Variants in ABCA8 observed in about 807,000 individuals in gnomAD.
The protein encoded by ABCA8 is ABC-type organic anion transporter ABCA8.
ABCA8 carries 177 observed loss-of-function variants against 192.3 expected under a neutral mutation model. That is an observed-to-expected ratio of 0.92 (90% CI 0.81 to 1.04). ABCA8 has a LOEUF of 1.04. Among genes scored for constraint, ABCA8 ranks in the 50% least tolerant of loss-of-function variants. The pLI is 0.00. For synonymous variants in ABCA8, 642 were observed against 690.2 expected, an observed-to-expected ratio of 0.93 and a Z score of 1.09; for missense variants, 1,915 against 1,904.8, an observed-to-expected ratio of 1.01 and a Z score of -0.10.
At chr17:68,921,742 A>G (rs898299060) in intron 12 of ABCA8, among the ~76,000 whole-genome samples, 5 of 152,220 alleles carry the variant, frequency 3.3e-5, no homozygotes, top group African/African-American at 1.2e-4. Flanking sequence ...AATGAAACAT[A>G]TCTATATAAT....
chr17:68,927,416 T>G (rs537398817), intron 10 of ABCA8, among the ~76,000 whole-genome samples: 26 of 151,506 alleles, frequency 1.7e-4, no homozygotes, highest in African/African-American at 6.0e-4. Context: ...ATTTATGATA[T>G]ATTGGCTTTC....
At position 68,884,845 on chromosome 17, in the gene ABCA8, G is replaced by A. The variant is rs572787320; in HGVS notation, c.3549+351C>T. ...CAGAAAAAAGGACTTTGCTTATCTT[G>A]GGTGCTTCTTTAGAACTCTGAAATC... On this transcript the variant is annotated intron_variant, in intron 27 of 39. Transcript: ENST00000586539. The A allele has an allele frequency of 4.7e-5, 46 of 985,240 alleles. No homozygotes were observed. The African/African-American group carries it at 7.9e-4, about 17-fold the overall frequency. The allele number at this position is 985,240 out of a possible 1,614,324, so 61.0% of individuals were successfully genotyped here.
Position 68,906,106 on chromosome 17 carries a change from G to C in ABCA8, c.2336C>G (p.Ser779Cys). The stretch of plus-strand genomic sequence containing the variant: ...GAATACTTCATTCAAAGTTGTCATG[G>C]AAACACCATAATTCTCAATTCCTAG... ...PDLGIENYGVSMTTLNEVFLK... is the reference protein window; with the variant it reads ...PDLGIENYGVCMTTLNEVFLK... The change falls in exon 19 of 40, where the codon TCC becomes TGC. Residue 779 changes from serine (S) to cysteine (C), a missense_variant. By Grantham distance (112) the Ser-to-Cys change is moderately radical. Coordinates refer to ENST00000586539, the MANE Select transcript of ABCA8 (RefSeq NM_001288985.2). The C allele has an allele frequency of 6.3e-7, 1 of 1,599,798 alleles. No homozygotes were observed. Among genetic ancestry groups the C allele is most frequent in the South Asian group, 1.1e-5 (1 of 88,728 alleles).
At chr17:68,896,662 G>A (rs2066768102) in intron 21 of ABCA8, among the ~76,000 whole-genome samples, 2 of 152,110 alleles carry the variant, frequency 1.3e-5, no homozygotes, top group Non-Finnish European at 2.9e-5. Context: ...CTTGTGTTCA[G>A]TTAACCCTGA....
intron 10 of ABCA8, among the ~76,000 whole-genome samples, chr17:68,926,511 A>G (rs1322153699): frequency 1.3e-5 from 2 of 152,216 alleles, no homozygotes; most frequent in African/African-American, 4.8e-5. Context: ...AATATATTTA[A>G]GTATGTGTCT....
chr17:68,939,443 T>C (rs547395139), intron 4 of ABCA8, among the ~76,000 whole-genome samples: 2 of 152,118 alleles, frequency 1.3e-5, no homozygotes, highest in South Asian at 4.2e-4. Context: ...AAGAGATTAG[T>C]TCTCGGTGAA....
chr17:68,887,495 C>T lies in ABCA8; in HGVS notation c.3156G>A (p.Arg1052=). 1 of 1,609,906 alleles carries T rather than the reference C, an allele frequency of 6.2e-7. No individual in the cohort carries two copies. Among genetic ancestry groups the T allele is most frequent in the East Asian group, 2.2e-5 (1 of 44,838 alleles). ...SSIDDYKNRA[R]SQLRISGLSP... ...AGAGTCCGGAAATCCGTAGCTGGGA[C>T]CGAGCTCTGTTCTAATTAGGAGACA... Residue 1052 remains arginine (R), a synonymous_variant, in exon 25 of 40, where the codon CGG becomes CGA. Transcript: ENST00000586539.
At chr17:68,909,957 G>C (rs74883334) in intron 17 of ABCA8, among the ~76,000 whole-genome samples, 4 of 152,026 alleles carry the variant, frequency 2.6e-5, no homozygotes, top group Non-Finnish European at 5.9e-5. Context: ...AAATATTCAG[G>C]TTCAATTTCT....
rs1567830395 is a variant in ABCA8 at position 68,887,899 on chromosome 17, TATATATATCCA to T, written c.3145-404_3145-394del. On this transcript the variant is annotated intron_variant, in intron 24 of 39. Transcript: ENST00000586539. The stretch of plus-strand genomic sequence containing the variant: ...TCTCCTCCATATATATATATATATA[TATATATATCCA>T]TATATATATATATATTATATATGGA... Among the ~76,000 whole-genome samples the T allele has an allele frequency of 5.2e-5, 3 of 57,188 alleles. 1 individual carries two copies. Among genetic ancestry groups the T allele is most frequent in the African/African-American group, 4.3e-4 (3 of 6,970 alleles). The allele number at this position is 57,188 out of a possible 152,430, so 37.5% of individuals were successfully genotyped here.
intron 9 of ABCA8, 36 bp from the exon 10 acceptor site, chr17:68,928,099 G>A: frequency 6.7e-7 from 1 of 1,495,288 alleles, no homozygotes; most frequent in Non-Finnish European, 9.1e-7. Flanking sequence ...AGGGAAATTA[G>A]GTATAAGATA....
At chr17:68,944,710 C>T (rs2143788073) in intron 2 of ABCA8, 1 of 152,114 alleles carries the variant, frequency 6.6e-6, no homozygotes, top group African/African-American at 2.4e-5. Flanking sequence ...TGATAAAAGC[C>T]TTGCACCTGG....
At chr17:68,871,167 C>T (rs1157069026) in intron 37 of ABCA8, among the ~76,000 whole-genome samples, 1 of 152,062 alleles carries the variant, frequency 6.6e-6, no homozygotes, top group Non-Finnish European at 1.5e-5. Flanking sequence ...GGTTTTCTTG[C>T]TGTGTCATAA....
chr17:68,881,146 C>T lies in ABCA8; in HGVS notation c.4012G>A (p.Gly1338Arg), dbSNP rs375299285. 3 of 1,613,460 alleles carry T rather than the reference C, an allele frequency of 1.9e-6. No individual in the cohort carries two copies. Among genetic ancestry groups the T allele is most frequent in the Non-Finnish European group, 1.7e-6 (2 of 1,179,590 alleles). ...GKSTSIKVITGDTKPTAGQVL... is the reference protein window; with the variant it reads ...GKSTSIKVITRDTKPTAGQVL... ...TGTCCAGCAGTTGGTTTTGTGTCTC[C>T]AGTTATCACCTTAATGGATGTGCTT... The change falls in exon 32 of 40, where the codon GGA (glycine) becomes AGA (arginine). Residue 1338 changes from glycine to arginine, a missense_variant. Transcript: ENST00000586539.
At chr17:68,918,626 G>A (rs2067449691) in intron 14 of ABCA8, 80 bp from the exon 15 acceptor site, 14 of 1,359,788 alleles carry the variant, frequency 1.0e-5, no homozygotes, top group South Asian at 1.6e-5. Flanking sequence ...GCTGTAAAGT[G>A]TAAATGGTTA....
chr17:68,881,779 G>A, intron 31 of ABCA8, 84 bp downstream of exon 31: 2 of 889,910 alleles, frequency 2.2e-6, no homozygotes, highest in Middle Eastern at 2.3e-4. Flanking sequence ...GAACCAAGAG[G>A]TGGTTTCCAG....
chr17:68,918,892 T>G (rs1567860095), intron 14 of ABCA8, among the ~76,000 whole-genome samples: 1 of 138,148 alleles, frequency 7.2e-6, no homozygotes, highest in Non-Finnish European at 1.5e-5. Flanking sequence ...ATAGGGCCAT[T>G]GCACTCCGGC....
intron 19 of ABCA8, among the ~76,000 whole-genome samples, chr17:68,905,211 T>C (rs116196363): frequency 6.6e-6 from 1 of 152,094 alleles, no homozygotes; most frequent in East Asian, 1.9e-4. Flanking sequence ...CCTGTTTTGT[T>C]AAAGTAACAT....
intron 12 of ABCA8, among the ~76,000 whole-genome samples, chr17:68,922,000 A>C (rs1181484512): frequency 6.6e-6 from 1 of 152,036 alleles, no homozygotes; most frequent in South Asian, 2.1e-4. Context: ...TTCTAAATAC[A>C]TCTATTTCTA....
At chr17:68,933,026 T>A in intron 6 of ABCA8, 142 bp downstream of exon 6, 1 of 641,024 alleles carries the variant, frequency 1.6e-6, no homozygotes, top group South Asian at 2.0e-5. Context: ...TTCCGTGGTA[T>A]ATAGTAACTT....
Sources: allele counts gnomAD v4.1 joint callset (sites outside exome capture counted in the v4.1 genomes callset), GRCh38; gene constraint gnomAD v4.1.1; transcripts MANE v1.5; gene names NCBI Gene and HGNC (gene_info 2026-07-23, HGNC 2026-07-21).